ZNF875: variants seen among roughly 807,000 people sequenced by gnomAD.
The protein encoded by ZNF875 is zinc finger protein 875.
Under a neutral mutation model 11.2 loss-of-function variants are expected in ZNF875, and 14 were observed. That is an observed-to-expected ratio of 1.26 (90% CI 0.83 to 1.96). ZNF875 has a LOEUF of 1.96. Ranked by LOEUF, ZNF875 falls within the 30% of genes most tolerant of loss-of-function variation. ZNF875 has a pLI of 0.00. For synonymous variants in ZNF875, 301 were observed against 281.1 expected (o/e 1.07, Z -0.71); for missense variants, 752 against 760.4 (o/e 0.99, Z 0.13).
At chr19:37,327,861 T>C (rs2032757980) in intron 4 of ZNF875, among the ~76,000 whole-genome samples, 1 of 152,108 alleles carries the variant, frequency 6.6e-6, no homozygotes, top group Non-Finnish European at 1.5e-5. Flanking sequence ...GTCAGAAAGG[T>C]TCATAAGAAA....
chr19:37,327,235 C>T (rs1232510234), intron 4 of ZNF875, among the ~76,000 whole-genome samples: 3 of 151,610 alleles, frequency 2.0e-5, no homozygotes, highest in South Asian at 2.1e-4. Context: ...TCAGGTGATC[C>T]GCCCACCTCG....
chr19:37,358,132 T>A, intron 4 of ZNF875: 3 of 238,544 alleles, frequency 1.3e-5, no homozygotes, highest in East Asian at 6.9e-5. Flanking sequence ...ATTAAGATGA[T>A]CTTTTTTTTT....
intron 2 of ZNF875, among the ~76,000 whole-genome samples, chr19:37,323,075 T>A (rs1044365038): frequency 1.3e-5 from 2 of 151,964 alleles, no homozygotes; most frequent in African/African-American, 2.4e-5. Context: ...CTGTCCTGCG[T>A]TATAGTGTGT....
At chr19:37,353,597 A>G (rs553029625) in intron 4 of ZNF875, among the ~76,000 whole-genome samples, 3 of 152,308 alleles carry the variant, frequency 2.0e-5, no homozygotes, top group Admixed American at 6.5e-5. Context: ...CATTTAGTAC[A>G]GTTACCTGGC....
intron 4 of ZNF875, among the ~76,000 whole-genome samples, chr19:37,354,081 G>A (rs12709813): frequency 0.28 from 41,733 of 151,254 alleles, 7,221 homozygotes; most frequent in African/African-American, 0.48. Context: ...TTTTTCTTCA[G>A]TCTTTTTTCT....
upstream of ZNF875, among the ~76,000 whole-genome samples, chr19:37,330,367 A>G (rs903120844): frequency 1.1e-4 from 16 of 152,174 alleles, no homozygotes; most frequent in Non-Finnish European, 2.2e-4. Context: ...TTTCTTAGCC[A>G]CTGTCAACCC....
intron 4 of ZNF875, among the ~76,000 whole-genome samples, chr19:37,355,536 A>G (rs2038752165): frequency 1.3e-5 from 2 of 152,286 alleles, no homozygotes; most frequent in South Asian, 4.1e-4. Context: ...ATATTGTCTC[A>G]TATAACCACA....
chr19:37,336,336 G>C (rs150711749), intron 2 of ZNF875, among the ~76,000 whole-genome samples: 2 of 139,024 alleles, frequency 1.4e-5, no homozygotes, highest in African/African-American at 5.4e-5. Flanking sequence ...GTCTCACTCT[G>C]TCATCCAGGC....
intron 2 of ZNF875, among the ~76,000 whole-genome samples, chr19:37,339,425 C>T (rs1228640929): frequency 6.6e-6 from 1 of 151,862 alleles, no homozygotes; most frequent in Non-Finnish European, 1.5e-5. Context: ...CTATGATCAG[C>T]TTTGTACATG....
At chr19:37,346,373 A>G (rs2036769539) in intron 2 of ZNF875, 1 of 152,262 alleles carries the variant, frequency 6.6e-6, no homozygotes, top group Non-Finnish European at 1.5e-5. Context: ...AAATCCAGAT[A>G]GTATGGGTTG....
At chr19:37,331,628 C>T (rs1471108005), upstream of ZNF875, among the ~76,000 whole-genome samples, 1 of 147,656 alleles carries the variant, frequency 6.8e-6, no homozygotes, top group Non-Finnish European at 1.5e-5. Flanking sequence ...AGGCAGCATG[C>T]TCCTTAAGAG....
chr19:37,353,175 CT>C (rs1329341922), intron 4 of ZNF875, among the ~76,000 whole-genome samples: 1 of 152,100 alleles, frequency 6.6e-6, no homozygotes, highest in Admixed American at 6.6e-5. Flanking sequence ...CGCCCGGCTC[CT>C]TTTTCGATCT....
intron 4 of ZNF875, among the ~76,000 whole-genome samples, chr19:37,328,151 A>T (rs2032820503): frequency 6.6e-6 from 1 of 152,116 alleles, no homozygotes. Context: ...GAGACAGGAG[A>T]ATCACTTGAA....
At chr19:37,317,190 T>TG (rs1338227001), upstream of ZNF875, 3 of 132,976 alleles carry the variant, frequency 2.3e-5, no homozygotes, top group East Asian at 6.5e-4. Context: ...TTTTTTTTTT[T>TG]TTTTTTTTTT....
intron 2 of ZNF875, among the ~76,000 whole-genome samples, chr19:37,343,536 G>C (rs966041771): frequency 2.0e-5 from 3 of 152,120 alleles, no homozygotes; most frequent in African/African-American, 7.2e-5. Flanking sequence ...GTCTCAACCT[G>C]TCTGGTGGTT....
rs2146757883 is a variant in ZNF875 at position 37,363,384 on chromosome 19, G to A, written c.1532G>A (p.Cys511Tyr). The A allele has an allele frequency of 6.2e-7, 1 of 1,614,030 alleles. No individual in the cohort carries two copies. Among genetic ancestry groups the A allele is most frequent in the East Asian group, 2.2e-5 (1 of 44,862 alleles). ...GAGAAGCCATTTGTATGTGCTGAGTGTGGACGAGGCTTTAATGATAAGTCC... is the reference window on the plus strand; with the variant it reads ...GAGAAGCCATTTGTATGTGCTGAGTATGGACGAGGCTTTAATGATAAGTCC... ...SGEKPFVCAE[C>Y]GRGFNDKSTL... Residue 511 changes from cysteine (C) to tyrosine (Y), a missense_variant, in exon 5 of 5, where the codon TGT (cysteine) becomes TAT (tyrosine). Transcript: ENST00000392153.
chr19:37,330,113 A>C (rs777409578), upstream of ZNF875, among the ~76,000 whole-genome samples: 15 of 152,036 alleles, frequency 9.9e-5, no homozygotes, highest in Non-Finnish European at 4.4e-5. Flanking sequence ...AAAATAAAGA[A>C]TATTTTTTCA....
intron 2 of ZNF875, among the ~76,000 whole-genome samples, chr19:37,343,402 G>A (rs1003784279): frequency 2.0e-5 from 3 of 149,568 alleles, no homozygotes; most frequent in African/African-American, 7.4e-5. Context: ...AAACTTAGCA[G>A]CTTAAAATGA....
At chr19:37,356,620 C>T (rs1017136306) in intron 4 of ZNF875, among the ~76,000 whole-genome samples, 2 of 151,924 alleles carry the variant, frequency 1.3e-5, no homozygotes, top group African/African-American at 4.8e-5. Context: ...TGTTTGTGTA[C>T]CTTCTTTTGA....
Sources: allele counts gnomAD v4.1 joint callset (sites outside exome capture counted in the v4.1 genomes callset), GRCh38; gene constraint gnomAD v4.1.1; transcripts MANE v1.5; gene names NCBI Gene and HGNC (gene_info 2026-07-23, HGNC 2026-07-21).